The following KCP variants were observed in gnomAD, a reference collection of about 807,000 sequenced individuals.
The protein encoded by KCP is kielin/chordin-like protein.
Under a neutral mutation model 212.7 loss-of-function variants are expected in KCP, and 194 were observed. The ratio of observed to expected loss-of-function variants is 0.91; its 90% CI spans 0.81 to 1.03. KCP has a LOEUF of 1.03. Among genes scored for constraint, KCP ranks in the 50% least tolerant of loss-of-function variants. The probability of loss-of-function intolerance (pLI) is 0.00; values close to 1 mark genes in which losing one functional copy is unlikely to be tolerated. For missense variants in KCP, 2,080 were observed against 2,162.5 expected (o/e 0.96, Z 0.76); for synonymous variants, 833 against 865.3 (o/e 0.96, Z 0.65).
intron 23 of KCP, 76 bp downstream of exon 23, chr7:128,887,139 G>GGAGACAGCCTCTTCCTGGCCAGA: frequency 8.4e-6 from 11 of 1,317,312 alleles, no homozygotes; most frequent in Non-Finnish European, 1.2e-5. Context: ...CCTGAGTGGA[G>GGAGACAGCCTCTTCCTGGCCAGA]GAGACAGCCT....
In KCP at chr7:128,891,462, A is replaced by G. The variant is rs1794127535; in HGVS notation, c.1867T>C (p.Cys623Arg). 3 of 1,550,510 alleles carry G rather than the reference A, an allele frequency of 1.9e-6. No individual in the cohort carries two copies. Among genetic ancestry groups the G allele is most frequent in the East Asian group, 2.4e-5 (1 of 40,900 alleles). The change falls in exon 18 of 40, where the codon TGT becomes CGT. Residue 623 changes from cysteine to arginine, a missense_variant. Transcript: ENST00000610776. ...FPHPSDPCRL[C>R]RCLSGNVQCL... ...AGGTGCAGACTCACCAGACAGCGAC[A>G]CAGACGGCAGGGGTCAGAGGGGTGG...
rs1204144006 is a variant in KCP at position 128,907,353 on chromosome 7, G to T, written c.320C>A (p.Ala107Glu). Residue 107 changes from alanine (A) to glutamate (E), a missense_variant, in exon 3 of 40, where the codon GCA becomes GAA. By Grantham distance (107) the Ala-to-Glu change is moderately radical. Transcript: ENST00000610776. ...TGTGCAGGCGTCAGGCTCCCAGCGT[G>T]CCCCCTCGGGCCAGGCACGCCCCAG... The part of the protein sequence containing the change: ...WGLGRAWPEG[A>E]RWEPDACTAC... 1 of 1,542,678 alleles carries T rather than the reference G, an allele frequency of 6.5e-7. No homozygotes were observed.
At position 128,904,530 on chromosome 7, in the gene KCP, A is replaced by G. The variant is rs921009683; in HGVS notation, c.572-392T>C. 7.2e-5 allele frequency: 47 copies of G among 654,748 alleles called. No individual in the cohort carries two copies. In the African/African-American group the frequency reaches 7.5e-4, roughly 10 times the overall value. 40.6% of individuals were successfully genotyped at this position (654,748 alleles called of 1,614,324 possible). On this transcript the variant is annotated intron_variant, in intron 5 of 39. Transcript: ENST00000610776. ...GCAGGCCTAGCAGGCTTCAGCCCTG[A>G]TGCCTGGGCAGTGGCAGTAGCAGCC...
At chr7:128,892,367 T>G in intron 16 of KCP, 147 bp downstream of exon 16, 8 of 599,998 alleles carry the variant, frequency 1.3e-5, no homozygotes, top group Non-Finnish European at 1.8e-5. Flanking sequence ...CCACACCCCG[T>G]GAGTTCCAGA....
chr7:128,877,524 C>G lies in KCP; in HGVS notation c.4578G>C (p.Gln1526His), dbSNP rs1585187946. ...CTCGCCAGGTAGGTGTCACTCCTGC[C>G]TGGCGACAGTGACTGGCGTAGGCTT... ...ALEAYASHCR[Q>H]AGVTPTWRGP... The change falls in exon 39 of 40, where the codon CAG (glutamine) becomes CAC (histidine). Residue 1526 changes from glutamine to histidine, a missense_variant. Gln to His is a conservative substitution (Grantham distance 24, BLOSUM62 0). Coordinates refer to ENST00000610776, the MANE Select transcript of KCP (RefSeq NM_001366122.1). 3 of 1,551,430 alleles carry G rather than the reference C, an allele frequency of 1.9e-6. No individual in the cohort carries two copies. In the East Asian group the frequency reaches 7.3e-5, roughly 38 times the overall value.
Position 128,881,018 on chromosome 7 carries a change from C to A in KCP, c.3492G>T (p.Ala1164=). The change falls in exon 32 of 40, where the codon GCG becomes GCT. Residue 1164 remains alanine, a synonymous_variant. Transcript: ENST00000610776. ...TCACATGGCAGGTGCAGGCGATGCA[C>A]GCATTGCTGGGGTCCCGCCAGCTCT... ...DGESWRDPSN[A]CIACTCHRGH... is the part of the protein sequence containing the mutation. 1 of 398,696 alleles carries A rather than the reference C, an allele frequency of 2.5e-6. No homozygotes were observed. The highest frequency in any genetic ancestry group is 4.4e-6 in the Non-Finnish European group (1 of 226,212). The allele number at this position is 398,696 out of a possible 1,614,324, so 24.7% of individuals were successfully genotyped here.
At position 128,878,566 on chromosome 7, in the gene KCP, T is replaced by G. The variant is rs1460173013; in HGVS notation, c.4303A>C (p.Ser1435Arg). The G allele has an allele frequency of 5.8e-6, 9 of 1,551,202 alleles. No individual in the cohort carries two copies. Among genetic ancestry groups the G allele is most frequent in the Non-Finnish European group, 7.8e-6 (9 of 1,146,804 alleles). The part of the protein sequence containing the change: ...LLPSEAAFGN[S>R]WQVSEGLWPG... ...GTTCCTGTACCACTCACCTGCCAGC[T>G]ATTCCCAAACGCAGCCTCCGAGGGC... Residue 1435 changes from serine (S) to arginine (R), a missense_variant, in exon 38 of 40, where the codon AGC (serine) becomes CGC (arginine). By Grantham distance (110) the Ser-to-Arg change is moderately radical. Transcript: ENST00000610776.
Position 128,877,143 on chromosome 7 carries a change from T to C in KCP, c.4787A>G (p.His1596Arg). The C allele has an allele frequency of 6.6e-7, 1 of 1,505,584 alleles. No homozygotes were observed. Among genetic ancestry groups the C allele is most frequent in the Non-Finnish European group, 8.9e-7 (1 of 1,128,464 alleles). 93.3% of individuals were successfully genotyped at this position (1,505,584 alleles called of 1,614,324 possible). The change falls in exon 40 of 40, where the codon CAC becomes CGC. Residue 1596 changes from histidine to arginine, a missense_variant. His to Arg is a conservative substitution (Grantham distance 29). Transcript: ENST00000610776. ...CPAGLVEHEA[H>R]CIPPEACPQV... ...GGGGCAGGCCTCGGGTGGGATGCAGTGGGCCTCATGCTCCACCAGGCCTGC... is the reference window on the plus strand; with the variant it reads ...GGGGCAGGCCTCGGGTGGGATGCAGCGGGCCTCATGCTCCACCAGGCCTGC...
In KCP at chr7:128,879,616, C is replaced by T; in HGVS notation, c.4052G>A (p.Gly1351Glu). 1 of 1,550,576 alleles carries T rather than the reference C, an allele frequency of 6.4e-7. No homozygotes were observed. Among genetic ancestry groups the T allele is most frequent in the Non-Finnish European group, 8.7e-7 (1 of 1,146,946 alleles). ...LLQDGAVTVD[G>E]HPVALPFLQE... ...CAGGAAGGGCAAGGCCACCGGGTGCCCATCCACCTGGAGGATAAAGGAGGT... is the reference window on the plus strand; with the variant it reads ...CAGGAAGGGCAAGGCCACCGGGTGCTCATCCACCTGGAGGATAAAGGAGGT... Residue 1351 changes from glycine (G) to glutamate (E), a missense_variant, in exon 37 of 40, where the codon GGG becomes GAG. Transcript: ENST00000610776.
intron 37 of KCP, 79 bp from the exon 38 acceptor site, chr7:128,878,801 C>A: frequency 7.1e-7 from 1 of 1,407,620 alleles, no homozygotes; most frequent in Non-Finnish European, 9.5e-7. Flanking sequence ...TGGCCCCAGG[C>A]ACTGTGTTCA....
Position 128,877,269 on chromosome 7 carries a change from C to T in KCP, c.4661G>A (p.Cys1554Tyr). The change falls in exon 40 of 40, where the codon TGC (cysteine) becomes TAC (tyrosine). Residue 1554 changes from cysteine to tyrosine, a missense_variant. Transcript: ENST00000610776. ...GCAGGTGCGGGGACAGGGTGGGCCGCACTCATCAAACACGAAGCCACGCTC... is the reference window on the plus strand; with the variant it reads ...GCAGGTGCGGGGACAGGGTGGGCCGTACTCATCAAACACGAAGCCACGCTC... ...PLERGFVFDE[C>Y]GPPCPRTCFN... 1 of 1,503,536 alleles carries T rather than the reference C, an allele frequency of 6.7e-7. No individual in the cohort carries two copies. Among genetic ancestry groups the T allele is most frequent in the Non-Finnish European group, 8.9e-7 (1 of 1,128,674 alleles). 93.1% of individuals were successfully genotyped at this position (1,503,536 alleles called of 1,614,324 possible).
intron 2 of KCP, 41 bp downstream of exon 2, chr7:128,908,385 C>T (rs1447835651): frequency 2.0e-6 from 3 of 1,519,642 alleles, no homozygotes; most frequent in Non-Finnish European, 1.8e-6. Flanking sequence ...CTATGAGAAG[C>T]CCTCCTTACC....
At chr7:128,900,844 C>T (rs545354417) in intron 8 of KCP, among the ~76,000 whole-genome samples, 1 of 152,306 alleles carries the variant, frequency 6.6e-6, no homozygotes, top group East Asian at 1.9e-4. Context: ...CTCTGCACCC[C>T]TTAGGATCAA....
At chr7:128,886,390 G>A (rs1585206361) in intron 26 of KCP, 74 bp downstream of exon 26, 2 of 1,253,902 alleles carry the variant, frequency 1.6e-6, no homozygotes, top group African/African-American at 1.5e-5. Context: ...TGGCTGAGGG[G>A]AGGGAGGTGG....
rs1404295654 is a variant in KCP at position 128,891,288 on chromosome 7, G to C, written c.1879-10C>G. The C allele has an allele frequency of 6.5e-7, 1 of 1,547,412 alleles. No homozygotes were observed. The highest frequency in any genetic ancestry group is 8.7e-7 in the Non-Finnish European group (1 of 1,146,648). On this transcript the variant is annotated splice_polypyrimidine_tract_variant and intron_variant, in intron 18 of 39. Coordinates refer to ENST00000610776, the MANE Select transcript of KCP (RefSeq NM_001366122.1). Reference sequence around the variant, plus strand: ...ACTGCACGTTGCCGCTCTACGGACCGACAGACGCACCACGGGTCAGTGGGT... The same window carrying C: ...ACTGCACGTTGCCGCTCTACGGACCCACAGACGCACCACGGGTCAGTGGGT...
At chr7:128,903,028 G>C in intron 7 of KCP, 169 bp from the exon 8 acceptor site, 1 of 619,380 alleles carries the variant, frequency 1.6e-6, no homozygotes, top group Non-Finnish European at 2.9e-6. Flanking sequence ...CAGTGCCCCA[G>C]GCAGGGTGAG....
chr7:128,887,606 C>CA (rs1793744423), intron 22 of KCP, among the ~76,000 whole-genome samples: 7 of 150,316 alleles, frequency 4.7e-5, no homozygotes, highest in Non-Finnish European at 1.0e-4. Flanking sequence ...CACAGCCACA[C>CA]CTACACCCCC....
At position 128,884,848 on chromosome 7, in the gene KCP, C is replaced by T; in HGVS notation, c.3056G>A (p.Gly1019Asp). 1.9e-6 allele frequency: 3 copies of T among 1,550,980 alleles called. No individual in the cohort carries two copies. Among genetic ancestry groups the T allele is most frequent in the South Asian group, 1.2e-5 (1 of 84,062 alleles). The change falls in exon 28 of 40, where the codon GGC becomes GAC. Residue 1019 changes from glycine (G) to aspartate (D), a missense_variant. Coordinates refer to ENST00000610776, the MANE Select transcript of KCP (RefSeq NM_001366122.1). ...GCTCTCCCCAGGCTCGTACTTCCGGCCCTCATGCTCACAGTCTTTGGGGTG... is the reference window on the plus strand; with the variant it reads ...GCTCTCCCCAGGCTCGTACTTCCGGTCCTCATGCTCACAGTCTTTGGGGTG... The part of the protein sequence containing the change: ...CPQCSDCEHE[G>D]RKYEPGESFQ...
rs1220957249 is a variant in KCP, at chr7:128,888,989, G to T, written c.2386C>A (p.Pro796Thr). ...SYLSNQEFPD[P>T]REPCNLCTCL... ...GTACACAGGTTGCAGGGTTCTCGGGGGTCTGGGAACTCCTGGTTACTCAGG... is the reference window on the plus strand; with the variant it reads ...GTACACAGGTTGCAGGGTTCTCGGGTGTCTGGGAACTCCTGGTTACTCAGG... Residue 796 changes from proline to threonine, a missense_variant, in exon 22 of 40, where the codon CCC becomes ACC. Coordinates refer to ENST00000610776, the MANE Select transcript of KCP (RefSeq NM_001366122.1). 1.9e-6 allele frequency: 3 copies of T among 1,539,674 alleles called. No homozygotes were observed. The Admixed American group carries it at 6.2e-5, about 32-fold the overall frequency.
Sources: allele counts gnomAD v4.1 joint callset (sites outside exome capture counted in the v4.1 genomes callset), GRCh38; gene constraint gnomAD v4.1.1; transcripts MANE v1.5; gene names NCBI Gene and HGNC (gene_info 2026-07-23, HGNC 2026-07-21).